ARHGAP10: variants seen among roughly 807,000 people sequenced by gnomAD.
ARHGAP10 encodes the protein rho GTPase-activating protein 10.
Under a neutral mutation model 108.6 loss-of-function variants are expected in ARHGAP10, and 87 were observed. The observed-to-expected ratio is 0.80, with a 90% confidence interval of 0.67 to 0.96. The LOEUF (loss-of-function observed/expected upper bound fraction) is 0.96, where lower values mean the gene tolerates loss of function less well. ARHGAP10 is among the 40% of genes least tolerant of loss of function. The pLI, the probability that ARHGAP10 is intolerant of heterozygous loss-of-function variation, is 0.00. For synonymous variants in ARHGAP10, 347 were observed against 341.1 expected (o/e 1.02, Z -0.19); for missense variants, 939 against 954.5 (o/e 0.98, Z 0.21).
At chr4:147,977,911 A>G (rs1311032859) in intron 18 of ARHGAP10, among the ~76,000 whole-genome samples, 2 of 151,930 alleles carry the variant, frequency 1.3e-5, no homozygotes, top group Admixed American at 6.6e-5. Flanking sequence ...AACATGTAGT[A>G]GTTCGTTTTC....
intron 18 of ARHGAP10, among the ~76,000 whole-genome samples, chr4:147,989,488 A>G (rs1740182349): frequency 6.6e-6 from 1 of 152,144 alleles, no homozygotes; most frequent in Non-Finnish European, 1.5e-5. Context: ...ACCATAAGAG[A>G]CAGGTACGCC....
At chr4:147,911,453 C>T (rs1736725302) in intron 12 of ARHGAP10, among the ~76,000 whole-genome samples, 1 of 152,190 alleles carries the variant, frequency 6.6e-6, no homozygotes, top group Admixed American at 6.5e-5. Context: ...AGCTCCGCCT[C>T]CCGGGTTCAC....
chr4:147,732,275 G>A lies in ARHGAP10; in HGVS notation c.-27G>A. 1 of 1,565,994 alleles carries A rather than the reference G, an allele frequency of 6.4e-7. No homozygotes were observed. Among genetic ancestry groups the A allele is most frequent in the African/African-American group, 1.4e-5 (1 of 72,328 alleles). ...GGCTCGGGCAGGAGCGCGCGGCCGT[G>A]CGCACCGCGCAGCGACCGCTGCCGT... On this transcript the variant is annotated 5_prime_UTR_variant, in exon 1 of 23. Transcript: ENST00000336498.
chr4:147,945,563 T>A (rs1013435205), intron 14 of ARHGAP10, among the ~76,000 whole-genome samples: 3 of 152,218 alleles, frequency 2.0e-5, no homozygotes, highest in African/African-American at 7.2e-5. Context: ...AATGACTTTT[T>A]AAGTCTCTGT....
chr4:147,830,471 G>A (rs981450998), intron 3 of ARHGAP10, among the ~76,000 whole-genome samples: 1 of 144,250 alleles, frequency 6.9e-6, no homozygotes, highest in Non-Finnish European at 1.5e-5. Context: ...AGTAATTGCG[G>A]TTTTTGCCAC....
intron 20 of ARHGAP10, among the ~76,000 whole-genome samples, chr4:148,059,844 G>T (rs951008112): frequency 6.6e-6 from 1 of 152,152 alleles, no homozygotes; most frequent in Non-Finnish European, 1.5e-5. Flanking sequence ...GTGTTTTCTT[G>T]TGCCAGTTCC....
intron 1 of ARHGAP10, among the ~76,000 whole-genome samples, chr4:147,737,585 TC>T (rs1472318804): frequency 6.6e-6 from 1 of 152,198 alleles, no homozygotes; most frequent in East Asian, 1.9e-4. Context: ...GGTAATTTTT[TC>T]CCGAATGGAA....
At chr4:148,034,380 C>T (rs886363097) in intron 19 of ARHGAP10, among the ~76,000 whole-genome samples, 12 of 152,252 alleles carry the variant, frequency 7.9e-5, no homozygotes, top group East Asian at 3.9e-4. Context: ...TGCGATGGCG[C>T]GATCTTGGCT....
intron 10 of ARHGAP10, among the ~76,000 whole-genome samples, chr4:147,902,091 A>G (rs1449305292): frequency 6.6e-6 from 1 of 152,180 alleles, no homozygotes; most frequent in Non-Finnish European, 1.5e-5. Flanking sequence ...TCTATTTGTT[A>G]TTCTTGGAGC....
intron 19 of ARHGAP10, among the ~76,000 whole-genome samples, chr4:148,024,277 ATTC>A (rs1741684985): frequency 1.3e-5 from 2 of 152,196 alleles, no homozygotes; most frequent in Admixed American, 1.3e-4. Context: ...AGTAGTCTTC[ATTC>A]TTCTTCTAGT....
intron 1 of ARHGAP10, among the ~76,000 whole-genome samples, chr4:147,765,783 C>T (rs756071304): frequency 5.3e-5 from 8 of 150,824 alleles, no homozygotes; most frequent in East Asian, 2.0e-4. Flanking sequence ...CTGGGCGACA[C>T]GATGAGACCC....
At chr4:147,870,062 T>C (rs1008039228) in intron 7 of ARHGAP10, among the ~76,000 whole-genome samples, 25 of 151,658 alleles carry the variant, frequency 1.6e-4, no homozygotes, top group African/African-American at 5.3e-4. Context: ...TATTTGTTTG[T>C]TTGAGAGGGA....
intron 18 of ARHGAP10, among the ~76,000 whole-genome samples, chr4:147,970,413 A>G (rs938761275): frequency 6.6e-6 from 1 of 151,352 alleles, no homozygotes; most frequent in Non-Finnish European, 1.5e-5. Context: ...AAAACATTAC[A>G]GTAATGGATG....
chr4:148,063,765 A>G (rs1347464313), intron 21 of ARHGAP10, among the ~76,000 whole-genome samples: 3 of 152,112 alleles, frequency 2.0e-5, no homozygotes, highest in Non-Finnish European at 4.4e-5. Context: ...GGCTTCCCCC[A>G]CACCAGTGAG....
chr4:147,802,814 C>A (rs938712355), intron 1 of ARHGAP10, among the ~76,000 whole-genome samples: 2 of 152,296 alleles, frequency 1.3e-5, no homozygotes, highest in East Asian at 3.9e-4. Context: ...TTGAAGACTC[C>A]TTATCCTGCT....
chr4:147,766,743 G>A (rs149668378), intron 1 of ARHGAP10, among the ~76,000 whole-genome samples: 2,505 of 140,014 alleles, frequency 0.018, 38 homozygotes, highest in Non-Finnish European at 0.028. Context: ...TATTATATAC[G>A]TAACTATATT....
chr4:147,734,322 C>T (rs1314266058), intron 1 of ARHGAP10, among the ~76,000 whole-genome samples: 2 of 152,072 alleles, frequency 1.3e-5, no homozygotes, highest in Non-Finnish European at 2.9e-5. Context: ...ATCTGGGGGG[C>T]CAGATGTCAG....
intron 10 of ARHGAP10, among the ~76,000 whole-genome samples, chr4:147,899,123 T>A (rs1465859377): frequency 6.6e-6 from 1 of 152,196 alleles, no homozygotes; most frequent in African/African-American, 2.4e-5. Flanking sequence ...TCATGAGCGC[T>A]TGAGGTCCCA....
At chr4:147,804,067 G>A (rs553126285) in intron 1 of ARHGAP10, among the ~76,000 whole-genome samples, 2 of 151,508 alleles carry the variant, frequency 1.3e-5, no homozygotes, top group East Asian at 1.9e-4. Context: ...TGTGTGTCAC[G>A]GGGGTTTGGT....
Sources: gnomAD v4.1 joint callset for allele counts (sites outside exome capture counted in the v4.1 genomes callset) on GRCh38, gnomAD v4.1.1 for gene constraint, MANE v1.5 for transcripts, NCBI Gene and HGNC (gene_info 2026-07-23, HGNC 2026-07-21) for gene names.